The following SLC66A2 variants were observed in gnomAD, a reference collection of about 807,000 sequenced individuals.
SLC66A2 encodes solute carrier family 66 member 2, also known as PQ loop repeat containing 1.
A neutral mutation model predicts 25.5 loss-of-function variants in SLC66A2; 23 were observed. The ratio of observed to expected loss-of-function variants is 0.90; its 90% CI spans 0.65 to 1.28. SLC66A2 has a LOEUF of 1.28. Ranked by LOEUF, SLC66A2 falls within the 50% of genes most tolerant of loss-of-function variation. SLC66A2 has a pLI of 0.00. For missense variants in SLC66A2, 396 were observed against 373.1 expected (o/e 1.06, Z -0.51); for synonymous variants, 193 against 166.5 (o/e 1.16, Z -1.23).
chr18:79,941,970 A>G lies in SLC66A2; in HGVS notation c.337+1359T>C, dbSNP rs1987711399. ...TCTCTCGGCCAGCCGGCCCTCCCAC[A>G]GTGAGAACATTCTTGTTCCAAGTTA... On this transcript the variant is annotated intron_variant, in intron 3 of 5. Transcript: ENST00000397778. This position sits in a 1 kb window ranked among gnomAD's most constrained non-coding sequence, Gnocchi z 4.1. 6.6e-6 allele frequency among the ~76,000 whole-genome samples: 1 copy of G among 152,258 alleles called. No individual in the cohort carries two copies.
intron 2 of SLC66A2, chr18:79,945,075 A>T (rs921274762): frequency 6.6e-6 from 1 of 152,440 alleles, no homozygotes; most frequent in Non-Finnish European, 1.5e-5. Context: ...GGGGAACCCT[A>T]TAGCCCCCTC....
intron 3 of SLC66A2, among the ~76,000 whole-genome samples, chr18:79,938,333 C>G (rs1479322318): frequency 1.3e-5 from 2 of 152,130 alleles, no homozygotes; most frequent in Non-Finnish European, 2.9e-5. Flanking sequence ...GGTGTGCACT[C>G]ACTCCCAACC....
At chr18:79,915,652 A>T (rs1983896941) in intron 5 of SLC66A2, 1 of 152,088 alleles carries the variant, frequency 6.6e-6, no homozygotes, top group Non-Finnish European at 1.5e-5. Flanking sequence ...CTGTGGCCCG[A>T]TGGGGAGATG....
chr18:79,923,811 G>T (rs1420202458), intron 4 of SLC66A2, among the ~76,000 whole-genome samples: 1 of 152,220 alleles, frequency 6.6e-6, no homozygotes, highest in African/African-American at 2.4e-5. Context: ...ACCTTGGGAG[G>T]TTGAGGTGGG....
intron 5 of SLC66A2, among the ~76,000 whole-genome samples, chr18:79,913,391 AG>A (rs1463843461): frequency 1.3e-5 from 2 of 152,252 alleles, no homozygotes. Flanking sequence ...TAAAAACTGG[AG>A]GAAGAGGAAT....
chr18:79,903,849 A>C lies in SLC66A2; in HGVS notation c.*127T>G. ...TGAGACACCCCACAGAGGCTGATGGAGACCCCAATGCCCATGCCCCATCTC... is the reference window on the plus strand; with the variant it reads ...TGAGACACCCCACAGAGGCTGATGGCGACCCCAATGCCCATGCCCCATCTC... On this transcript the variant is annotated 3_prime_UTR_variant, in exon 6 of 6. Transcript: ENST00000397778. 2.8e-6 allele frequency: 2 copies of C among 717,200 alleles called. No individual in the cohort carries two copies. Among genetic ancestry groups the C allele is most frequent in the Non-Finnish European group, 4.5e-6 (2 of 447,140 alleles). The allele number at this position is 717,200 out of a possible 1,614,324, so 44.4% of individuals were successfully genotyped here. A position where few individuals can be genotyped will look rare whatever the true frequency, so the allele number is the denominator to read the frequency against.
At position 79,927,425 on chromosome 18, in the gene SLC66A2, C is replaced by T. The variant is rs1481415422; in HGVS notation, c.391+6544G>A. The stretch of plus-strand genomic sequence containing the variant: ...CCGAGGCCACCAGGGCCGACTTTTA[C>T]TTTATCCTAAGGATCAGGGACGCAA... On this transcript the variant is annotated intron_variant, in intron 4 of 5. Coordinates refer to ENST00000397778, the MANE Select transcript of SLC66A2 (RefSeq NM_025078.5). The surrounding 1 kb of genome is among the most constrained non-coding windows in gnomAD (Gnocchi z 6.2). 6.6e-6 allele frequency among the ~76,000 whole-genome samples: 1 copy of T among 152,242 alleles called. No individual in the cohort carries two copies. Among genetic ancestry groups the T allele is most frequent in the African/African-American group, 2.4e-5 (1 of 41,466 alleles).
At position 79,903,883 on chromosome 18, in the gene SLC66A2, C is replaced by G; in HGVS notation, c.*93G>C. ...TGCCCATGCCCCATCTCTGCCACAC[C>G]TGCAGGGGCCACAGCACCCACCCTC... On this transcript the variant is annotated 3_prime_UTR_variant, in exon 6 of 6. Transcript: ENST00000397778. 1.7e-6 allele frequency: 2 copies of G among 1,203,640 alleles called. No individual in the cohort carries two copies. Among genetic ancestry groups the G allele is most frequent in the East Asian group, 2.6e-5 (1 of 38,940 alleles). The allele number at this position is 1,203,640 out of a possible 1,614,324, so 74.6% of individuals were successfully genotyped here.
rs1315417902 is a variant in SLC66A2, at chr18:79,919,280, A to G, written c.512T>C (p.Val171Ala). The change falls in exon 5 of 6, where the codon GTG becomes GCG. Residue 171 changes from valine to alanine, a missense_variant. Transcript: ENST00000397778. ...TYLSIDSALF[V>A]ETLGFLAVLT... ...CACAGCCAGGAAGCCCAGGGTCTCC[A>G]CAAACAGGGCGGAGTCAATGGACAG... 1.9e-6 allele frequency: 3 copies of G among 1,613,210 alleles called. No homozygotes were observed. The highest frequency in any genetic ancestry group is 2.5e-6 in the Non-Finnish European group (3 of 1,180,038).
At position 79,921,850 on chromosome 18, in the gene SLC66A2, G is replaced by A. The variant is rs59400075; in HGVS notation, c.392-2450C>T. Among the ~76,000 whole-genome samples the A allele has an allele frequency of 1.5e-3, 42 of 27,506 alleles. 11 individuals carry two copies. Among genetic ancestry groups the A allele is most frequent in the South Asian group, 5.3e-3 (2 of 374 alleles). 18.0% of individuals were successfully genotyped at this position (27,506 alleles called of 152,430 possible). A position where few individuals can be genotyped will look rare whatever the true frequency, so the allele number is the denominator to read the frequency against. ...GGTCAGAGGAGGAGAGACAGGAACC[G>A]AGGGAGAGGTCAAGGTCAGTGAGGA... is the stretch of plus-strand genomic sequence containing the variant. On this transcript the variant is annotated intron_variant, in intron 4 of 5. Coordinates refer to ENST00000397778, the MANE Select transcript of SLC66A2 (RefSeq NM_025078.5).
At chr18:79,951,539 G>GGCCGCCCCCCGAGGACCCCGC (rs2051128523) in intron 1 of SLC66A2, 42 bp downstream of exon 1, 1 of 152,300 alleles carries the variant, frequency 6.6e-6, no homozygotes, top group Admixed American at 6.6e-5. Flanking sequence ...GGCCGCCCTA[G>GGCCGCCCCCCGAGGACCCCGC]GCCGCCCCCC....
Position 79,951,595 on chromosome 18 carries a change from C to T in SLC66A2, c.-114G>A, listed in dbSNP as rs888809228. On this transcript the variant is annotated 5_prime_UTR_variant, in exon 1 of 6. Coordinates refer to ENST00000397778, the MANE Select transcript of SLC66A2 (RefSeq NM_025078.5). ...GCGCTCCTTACCTGCGCCCCCAGCCCCGCGCCCAGCGCCCCGCGTCCCCGC... is the reference window on the plus strand; with the variant it reads ...GCGCTCCTTACCTGCGCCCCCAGCCTCGCGCCCAGCGCCCCGCGTCCCCGC... 1 of 151,626 alleles carries T rather than the reference C, an allele frequency of 6.6e-6. No individual in the cohort carries two copies. The highest frequency in any genetic ancestry group is 1.5e-5 in the Non-Finnish European group (1 of 67,516). The allele number at this position is 151,626 out of a possible 1,614,324, so 9.4% of individuals were successfully genotyped here.
chr18:79,942,796 T>C (rs1987791670), intron 3 of SLC66A2, among the ~76,000 whole-genome samples: 1 of 152,214 alleles, frequency 6.6e-6, no homozygotes, highest in African/African-American at 2.4e-5. Context: ...GTGCTAAGCA[T>C]GTGATTGGTC....
rs769038897 is a variant in SLC66A2, at chr18:79,943,386, G to A, written c.280C>T (p.Leu94=). Residue 94 remains leucine (L), a synonymous_variant, in exon 3 of 6, where the codon CTG becomes TTG. Transcript: ENST00000397778. ...TTGGCCACACGGACCTCGGTGCACA[G>A]CTTCAGCATCAGCAGCATGGTCAGG... ...MILTMLLMLK[L]CTEVRVANEL... is the part of the protein sequence containing the mutation. 1.2e-6 allele frequency: 2 copies of A among 1,614,210 alleles called. No individual in the cohort carries two copies. Among genetic ancestry groups the A allele is most frequent in the Non-Finnish European group, 1.7e-6 (2 of 1,180,032 alleles).
At chr18:79,938,919 G>A (rs1190469747) in intron 3 of SLC66A2, among the ~76,000 whole-genome samples, 2 of 152,182 alleles carry the variant, frequency 1.3e-5, no homozygotes, top group Non-Finnish European at 2.9e-5. Context: ...CTCGTGATCC[G>A]CCCACCTCGG....
intron 4 of SLC66A2, among the ~76,000 whole-genome samples, chr18:79,933,268 G>T (rs62101198): frequency 6.6e-6 from 1 of 152,082 alleles, no homozygotes; most frequent in African/African-American, 2.4e-5. Flanking sequence ...CAACAAACTC[G>T]AATAAAAGGG....
chr18:79,943,660 C>A (rs1407323360), intron 2 of SLC66A2, 198 bp from the exon 3 acceptor site: 1 of 541,048 alleles, frequency 1.8e-6, no homozygotes, highest in East Asian at 3.4e-5. Flanking sequence ...CAGCGGGAGA[C>A]ACCTGGGTCA....
Position 79,945,999 on chromosome 18 carries a change from C to A in SLC66A2, c.204-2537G>T, listed in dbSNP as rs139210948. Among the ~76,000 whole-genome samples the A allele has an allele frequency of 1.8e-3, 270 of 152,370 alleles. 8 individuals are homozygous for A. Among genetic ancestry groups the A allele is most frequent in the Admixed American group, 0.014 (221 of 15,308 alleles). ...ACGTTCACCTCCAGCAATGAGGCTG[C>A]ACGTGAGCCATTTTGGCCACTCTGT... On this transcript the variant is annotated intron_variant, in intron 2 of 5. Transcript: ENST00000397778.
rs2123170085 is a variant in SLC66A2 at position 79,904,728 on chromosome 18, C to T, written c.609-545G>A. Among the ~76,000 whole-genome samples, 1 of 152,326 alleles carries T rather than the reference C, an allele frequency of 6.6e-6. No homozygotes were observed. ...TCCCTGGTGATAGATGCAAACCTTC[C>T]TTTCCTGGAGTGAACAGGGAGCAGC... On this transcript the variant is annotated intron_variant, in intron 5 of 5. Transcript: ENST00000397778. The surrounding 1 kb of genome is among the most constrained non-coding windows in gnomAD (Gnocchi z 6.3).
Sources: gnomAD v4.1 joint callset for allele counts (sites outside exome capture counted in the v4.1 genomes callset) on GRCh38, gnomAD v4.1.1 for gene constraint, Gnocchi (gnomAD v3.1) non-coding constraint, MANE v1.5 for transcripts, NCBI Gene and HGNC (gene_info 2026-07-23, HGNC 2026-07-21) for gene names.